Variants in LPCAT1 observed in about 807,000 individuals in gnomAD.
The protein encoded by LPCAT1 is 1-acylglycerol-3-phosphate O-acyltransferase.
LPCAT1 carries 23 observed loss-of-function variants against 60.9 expected under a neutral mutation model. The observed-to-expected ratio is 0.38, with a 90% CI of 0.27 to 0.53. The LOEUF (loss-of-function observed/expected upper bound fraction) is 0.53. LPCAT1 is among the 20% of genes least tolerant of loss of function. The pLI is 0.82. For synonymous variants in LPCAT1, 340 were observed against 301.1 expected, an observed-to-expected ratio of 1.13 and a Z score of -1.34; for missense variants, 622 against 723.6, an observed-to-expected ratio of 0.86 and a Z score of 1.61.
intron 1 of LPCAT1, among the ~76,000 whole-genome samples, chr5:1,508,630 C>A (rs1736257164): frequency 6.6e-6 from 1 of 152,218 alleles, no homozygotes; most frequent in South Asian, 2.1e-4. Flanking sequence ...TAAGCCCCAT[C>A]TGAGGCACTT....
chr5:1,474,287 A>C (rs1472998196), intron 10 of LPCAT1, among the ~76,000 whole-genome samples, 177 bp from the exon 11 acceptor site: 1 of 152,244 alleles, frequency 6.6e-6, no homozygotes, highest in East Asian at 1.9e-4. Context: ...CCAAGTGTCA[A>C]GCCAGGTGCC....
intron 1 of LPCAT1, among the ~76,000 whole-genome samples, chr5:1,505,245 G>A (rs1487213654): frequency 4.0e-5 from 6 of 151,518 alleles, no homozygotes; most frequent in South Asian, 4.2e-4. Flanking sequence ...ACCAGAGTGC[G>A]GAATAAAATC....
chr5:1,507,428 G>A (rs888990894), intron 1 of LPCAT1, among the ~76,000 whole-genome samples: 3 of 152,258 alleles, frequency 2.0e-5, no homozygotes, highest in Admixed American at 2.0e-4. Context: ...AGTTGGCTAC[G>A]ATAAACCAAG....
At chr5:1,511,594 T>C (rs13156192) in intron 1 of LPCAT1, among the ~76,000 whole-genome samples, 1 of 148,532 alleles carries the variant, frequency 6.7e-6, no homozygotes, top group Admixed American at 6.7e-5. Context: ...GGGGATGTCA[T>C]CTGCTCACCT....
At chr5:1,486,090 C>T (rs1373336199) in intron 5 of LPCAT1, among the ~76,000 whole-genome samples, 4 of 152,134 alleles carry the variant, frequency 2.6e-5, no homozygotes, top group Admixed American at 6.5e-5. Flanking sequence ...GGTACCCAGT[C>T]AGCCGATCCT....
In LPCAT1 at chr5:1,521,362, G is replaced by T. The variant is rs1579822339; in HGVS notation, c.135+2348C>A. 1 of 985,450 alleles carries T rather than the reference G, an allele frequency of 1.0e-6. No individual in the cohort carries two copies. The highest frequency in any genetic ancestry group is 4.7e-5 in the South Asian group (1 of 21,290). 61.0% of individuals were successfully genotyped at this position (985,450 alleles called of 1,614,324 possible). ...AGGTACTCACTGGTTTATCTCAACT[G>T]GGAACTTAGCTGGGTTTCTGCGGGT... On this transcript the variant is annotated intron_variant, in intron 1 of 13. Coordinates refer to ENST00000283415, the MANE Select transcript of LPCAT1 (RefSeq NM_024830.5). This position sits in a 1 kb window ranked among gnomAD's most constrained non-coding sequence, Gnocchi z 4.3.
At chr5:1,482,307 C>T (rs1735178403) in intron 6 of LPCAT1, among the ~76,000 whole-genome samples, 1 of 147,724 alleles carries the variant, frequency 6.8e-6, no homozygotes, top group Admixed American at 6.8e-5. Context: ...TGGGGAGGGC[C>T]GATGGAACCG....
intron 1 of LPCAT1, among the ~76,000 whole-genome samples, chr5:1,520,091 C>T (rs566739275): frequency 2.0e-5 from 3 of 152,322 alleles, no homozygotes; most frequent in African/African-American, 7.2e-5. Context: ...CTGAGGAACC[C>T]CCATCCCCGT....
At position 1,481,545 on chromosome 5, in the gene LPCAT1, G is replaced by GAC. The variant is rs1239279553; in HGVS notation, c.727-571_727-570dup. Among the ~76,000 whole-genome samples, 2 of 152,292 alleles carry GAC rather than the reference G, an allele frequency of 1.3e-5. No individual in the cohort carries two copies. The highest frequency in any genetic ancestry group is 3.8e-4 in the East Asian group (2 of 5,204). ...CAGGGGCCGTGACGGCAGAGGCCCAGACACCGTCACCCTGGGGTGGACCTT... is the reference window on the plus strand; with the variant it reads ...CAGGGGCCGTGACGGCAGAGGCCCAGACACACCGTCACCCTGGGGTGGACCTT... On this transcript the variant is annotated intron_variant, in intron 6 of 13. Coordinates refer to ENST00000283415, the MANE Select transcript of LPCAT1 (RefSeq NM_024830.5). The surrounding 1 kb of genome is among the most constrained non-coding windows in gnomAD (Gnocchi z 7.8).
rs1028405740 is a variant in LPCAT1, at chr5:1,469,382, C to G, written c.1278+1444G>C. On this transcript the variant is annotated intron_variant, in intron 12 of 13. Transcript: ENST00000283415. ...GCCTGTGCAGGAGGAAGGTCGGGCT[C>G]CACAGCCCATTGTTCATGTTGAGAA... Among the ~76,000 whole-genome samples the G allele has an allele frequency of 2.0e-5, 3 of 152,306 alleles. No homozygotes were observed. The East Asian group carries it at 5.8e-4, about 29-fold the overall frequency.
At chr5:1,485,804 CCGTG>C (rs1735350488) in intron 5 of LPCAT1, among the ~76,000 whole-genome samples, 1 of 151,666 alleles carries the variant, frequency 6.6e-6, no homozygotes, top group African/African-American at 2.4e-5. Flanking sequence ...TGCTCACAGC[CCGTG>C]CAGGGAGGCC....
intron 11 of LPCAT1, 108 bp from the exon 12 acceptor site, chr5:1,471,032 C>T (rs1267682708): frequency 3.7e-6 from 3 of 811,638 alleles, no homozygotes; most frequent in African/African-American, 3.4e-5. Flanking sequence ...CCCACTCTCA[C>T]TCGGGAACAT....
rs753387957 is a variant in LPCAT1 at position 1,487,408 on chromosome 5, G to A, written c.667+983C>T. 5.3e-5 allele frequency among the ~76,000 whole-genome samples: 8 copies of A among 152,202 alleles called. No homozygotes were observed. The highest frequency in any genetic ancestry group is 1.0e-4 in the Non-Finnish European group (7 of 68,030). Reference sequence around the variant, plus strand: ...AAGACCCAGTACCTTCCAGTGAGCTGCACCTTGAAGCCTCTGGAAGCAAAA... The same window carrying A: ...AAGACCCAGTACCTTCCAGTGAGCTACACCTTGAAGCCTCTGGAAGCAAAA... On this transcript the variant is annotated intron_variant, in intron 5 of 13. Transcript: ENST00000283415. This position sits in a 1 kb window ranked among gnomAD's most constrained non-coding sequence, Gnocchi z 6.1.
At chr5:1,489,591 A>G (rs2277003) in intron 4 of LPCAT1, among the ~76,000 whole-genome samples, 155 bp downstream of exon 4, 77,574 of 152,172 alleles carry the variant, frequency 0.51, 20,951 homozygotes, top group African/African-American at 0.7. Flanking sequence ...AACCAAATGC[A>G]CCTGACAGCA....
intron 5 of LPCAT1, among the ~76,000 whole-genome samples, chr5:1,484,406 G>A (rs915958384): frequency 3.3e-5 from 5 of 152,070 alleles, no homozygotes; most frequent in Non-Finnish European, 4.4e-5. Context: ...TTTTTTAACT[G>A]GAAAACTCAG....
chr5:1,478,944 C>CT (rs1579770521), intron 8 of LPCAT1, among the ~76,000 whole-genome samples: 1 of 152,236 alleles, frequency 6.6e-6, no homozygotes, highest in Non-Finnish European at 1.5e-5. Context: ...GAAGGGGGAT[C>CT]TTTGACTATG....
At chr5:1,464,857 CAGT>C (rs1228391644) in intron 13 of LPCAT1, among the ~76,000 whole-genome samples, 1 of 141,266 alleles carries the variant, frequency 7.1e-6, no homozygotes, top group African/African-American at 2.7e-5. Flanking sequence ...TGTGCACACA[CAGT>C]AAACACATGC....
At position 1,463,457 on chromosome 5, in the gene LPCAT1, A is replaced by C. The variant is rs1240011036; in HGVS notation, c.*194T>G. 4 of 637,960 alleles carry C rather than the reference A, an allele frequency of 6.3e-6. No homozygotes were observed. The highest frequency in any genetic ancestry group is 7.8e-6 in the Non-Finnish European group (3 of 382,194). The allele number at this position is 637,960 out of a possible 1,614,324, so 39.5% of individuals were successfully genotyped here. ...CGCGTGCGCGCCCTCCGATTCTCGC[A>C]CAGTAAGCGTCGGTTCTGCAACACA... On this transcript the variant is annotated 3_prime_UTR_variant, in exon 14 of 14. Transcript: ENST00000283415.
rs761292955 is a variant in LPCAT1, at chr5:1,480,603, G to T, written c.761+339C>A. On this transcript the variant is annotated intron_variant, in intron 7 of 13. Transcript: ENST00000283415. This position sits in a 1 kb window ranked among gnomAD's most constrained non-coding sequence, Gnocchi z 6.4. The stretch of plus-strand genomic sequence containing the variant: ...ACTCAGTCTCTGTGCCTGTGCAGAC[G>T]GGGTCCCCCCAGACACCCCTAAATC... Among the ~76,000 whole-genome samples, 1 of 152,124 alleles carries T rather than the reference G, an allele frequency of 6.6e-6. No homozygotes were observed. Among genetic ancestry groups the T allele is most frequent in the African/African-American group, 2.4e-5 (1 of 41,434 alleles).
Sources: allele counts gnomAD v4.1 joint callset (sites outside exome capture counted in the v4.1 genomes callset), GRCh38; gene constraint gnomAD v4.1.1; non-coding constraint Gnocchi (gnomAD v3.1); transcripts MANE v1.5; gene names NCBI Gene and HGNC (gene_info 2026-07-23, HGNC 2026-07-21).